The following PELI2 variants were observed in gnomAD, a reference collection of about 807,000 sequenced individuals.
PELI2 encodes the protein pellino E3 ubiquitin protein ligase family member 2.
A neutral mutation model predicts 42.3 loss-of-function variants in PELI2; 23 were observed. The observed-to-expected ratio is 0.54, with a 90% CI of 0.39 to 0.77. PELI2 has a LOEUF of 0.77. PELI2 is among the 30% of genes least tolerant of loss of function. The pLI, the probability that PELI2 is intolerant of heterozygous loss-of-function variation, is 0.00. For synonymous variants in PELI2, 245 were observed against 212.2 expected, an observed-to-expected ratio of 1.15 and a Z score of -1.34; for missense variants, 463 against 553.2, an observed-to-expected ratio of 0.84 and a Z score of 1.64.
rs1890086397 is a variant in PELI2 at position 56,298,636 on chromosome 14, G to GTT, written c.*1471_*1472insTT. The GTT allele has an allele frequency of 2.6e-5, 4 of 152,408 alleles. No individual in the cohort carries two copies. The South Asian group carries it at 8.3e-4, about 32-fold the overall frequency. 9.4% of individuals were successfully genotyped at this position (152,408 alleles called of 1,614,324 possible). ...TATCCATACTTGAATTGGTTTTTTCGTATTTTGCCTACTGGCAAATATTTT... is the reference window on the plus strand; with the variant it reads ...TATCCATACTTGAATTGGTTTTTTCGTTTATTTTGCCTACTGGCAAATATTTT... On this transcript the variant is annotated 3_prime_UTR_variant, in exon 6 of 6. Transcript: ENST00000267460.
chr14:56,228,757 C>T (rs1251882612), intron 2 of PELI2, among the ~76,000 whole-genome samples: 1 of 152,192 alleles, frequency 6.6e-6, no homozygotes, highest in Non-Finnish European at 1.5e-5. Flanking sequence ...GCTTGTTGGA[C>T]AGTGGGTGCA....
chr14:56,158,026 ATTC>A (rs1047320956), intron 1 of PELI2, among the ~76,000 whole-genome samples: 8 of 152,034 alleles, frequency 5.3e-5, no homozygotes, highest in African/African-American at 9.6e-5. Flanking sequence ...AGCCTTTGAG[ATTC>A]TTCTTCTTCT....
rs114208657 is a variant in PELI2 at position 56,199,892 on chromosome 14, A to T, written c.207+21428A>T. ...GGTGGTGCTCAATAAATCTTTGTTG[A>T]CTTGATGTTGATTGAGTGTATCTGG... On this transcript the variant is annotated intron_variant, in intron 2 of 5. Coordinates refer to ENST00000267460, the MANE Select transcript of PELI2 (RefSeq NM_021255.3). Among the ~76,000 whole-genome samples, 564 of 152,272 alleles carry T rather than the reference A, an allele frequency of 3.7e-3. 2 individuals carry two copies. The highest frequency in any genetic ancestry group is 0.013 in the African/African-American group (520 of 41,560).
At position 56,118,617 on chromosome 14, in the gene PELI2, AGGCGGCGGCGTC is replaced by A. The variant is rs3832944; in HGVS notation, c.-25_-14del. 5.1e-3 allele frequency: 6,264 copies of A among 1,233,864 alleles called. 79 individuals carry two copies. Among genetic ancestry groups the A allele is most frequent in the African/African-American group, 0.017 (1,032 of 59,460 alleles). 76.4% of individuals were successfully genotyped at this position (1,233,864 alleles called of 1,614,324 possible). A position where few individuals can be genotyped will look rare whatever the true frequency, so the allele number is the denominator to read the frequency against. The stretch of plus-strand genomic sequence containing the variant: ...GCGGACTCGGCGGGGATCGCGGCGG[AGGCGGCGGCGTC>A]GGCGGCGGCGTCGGCGGCCGAGCGG... On this transcript the variant is annotated 5_prime_UTR_variant, in exon 1 of 6. Transcript: ENST00000267460.
At chr14:56,139,254 T>TG (rs1883810599) in intron 1 of PELI2, among the ~76,000 whole-genome samples, 1 of 151,944 alleles carries the variant, frequency 6.6e-6, no homozygotes, top group Non-Finnish European at 1.5e-5. Context: ...AGGGAGAGGA[T>TG]GGGGGAGGAG....
intron 2 of PELI2, among the ~76,000 whole-genome samples, chr14:56,252,441 T>C (rs1888379546): frequency 6.6e-6 from 1 of 152,222 alleles, no homozygotes; most frequent in Non-Finnish European, 1.5e-5. Flanking sequence ...TAAAGTTATT[T>C]ATATAAAATC....
intron 1 of PELI2, among the ~76,000 whole-genome samples, chr14:56,148,584 G>C (rs149142678): frequency 6.6e-6 from 1 of 152,146 alleles, no homozygotes; most frequent in Non-Finnish European, 1.5e-5. Context: ...TGTCTGCTCC[G>C]AACATATACA....
intron 2 of PELI2, among the ~76,000 whole-genome samples, chr14:56,277,984 G>A (rs1294815113): frequency 1.3e-5 from 2 of 152,174 alleles, no homozygotes; most frequent in South Asian, 2.1e-4. Flanking sequence ...TATTGCACTC[G>A]TTAACTCCTT....
chr14:56,121,775 A>G (rs1209123961), intron 1 of PELI2, among the ~76,000 whole-genome samples: 2 of 152,132 alleles, frequency 1.3e-5, no homozygotes, highest in Non-Finnish European at 2.9e-5. Context: ...ATATGATTGG[A>G]TTAGGTAGGC....
chr14:56,246,950 C>T (rs1001432164), intron 2 of PELI2, among the ~76,000 whole-genome samples: 6 of 152,154 alleles, frequency 3.9e-5, no homozygotes, highest in African/African-American at 1.4e-4. Context: ...CCTTCTCCAC[C>T]CCAGTAACCA....
In PELI2 at chr14:56,262,270, A is replaced by G. The variant is rs143505116; in HGVS notation, c.208-17406A>G. On this transcript the variant is annotated intron_variant, in intron 2 of 5. Coordinates refer to ENST00000267460, the MANE Select transcript of PELI2 (RefSeq NM_021255.3). ...TGCAGTTCCAGGAGTTTTGTTCCAC[A>G]GTAACACCCAAGAAATAAACATTTT... is the stretch of plus-strand genomic sequence containing the variant. 6.8e-3 allele frequency among the ~76,000 whole-genome samples: 1,033 copies of G among 152,328 alleles called. 7 individuals are homozygous for G. The highest frequency in any genetic ancestry group is 0.024 in the African/African-American group (988 of 41,566).
Position 56,296,725 on chromosome 14 carries a change from G to A in PELI2, c.822G>A (p.Arg274=), listed in dbSNP as rs772650081. 2.5e-6 allele frequency: 4 copies of A among 1,614,126 alleles called. No homozygotes were observed. The highest frequency in any genetic ancestry group is 2.5e-6 in the Non-Finnish European group (3 of 1,180,030). ...TPTQKHIEAL[R]QEINAARPQC... is the part of the protein sequence containing the mutation. ...CTCAGAAGCACATAGAAGCCCTCCG[G>A]CAGGAGATTAACGCCGCCCGGCCTC... The change falls in exon 6 of 6, where the codon CGG becomes CGA. Residue 274 remains arginine, a synonymous_variant. Coordinates refer to ENST00000267460, the MANE Select transcript of PELI2 (RefSeq NM_021255.3).
chr14:56,188,396 G>A (rs1427000483), intron 2 of PELI2, among the ~76,000 whole-genome samples: 1 of 131,204 alleles, frequency 7.6e-6, no homozygotes, highest in Non-Finnish European at 1.7e-5. Context: ...TTTTGTTCAG[G>A]TTAGTTCTGG....
chr14:56,225,185 C>T (rs1325707527), intron 2 of PELI2, among the ~76,000 whole-genome samples: 1 of 152,126 alleles, frequency 6.6e-6, no homozygotes, highest in Admixed American at 6.5e-5. Flanking sequence ...CGATGGGGCC[C>T]GTCCAGGAAT....
intron 2 of PELI2, among the ~76,000 whole-genome samples, chr14:56,195,629 G>A (rs138381829): frequency 2.4e-4 from 36 of 152,324 alleles, no homozygotes; most frequent in African/African-American, 8.4e-4. Context: ...TGAAACAGGT[G>A]GGGATACCTT....
chr14:56,216,918 A>T (rs943484067), intron 2 of PELI2, among the ~76,000 whole-genome samples: 3 of 152,242 alleles, frequency 2.0e-5, no homozygotes, highest in Admixed American at 2.0e-4. Flanking sequence ...GCTTACCTAT[A>T]TAATAATTCA....
chr14:56,198,423 G>A (rs1341361427), intron 2 of PELI2, among the ~76,000 whole-genome samples: 2 of 152,202 alleles, frequency 1.3e-5, no homozygotes, highest in African/African-American at 4.8e-5. Flanking sequence ...GTGGCATCAT[G>A]GAGCATGAGA....
chr14:56,135,212 A>G (rs1595544514), intron 1 of PELI2, among the ~76,000 whole-genome samples: 1 of 152,254 alleles, frequency 6.6e-6, no homozygotes, highest in East Asian at 1.9e-4. Context: ...CCGTGAGTAG[A>G]AGGGTGAGGT....
At chr14:56,122,765 A>G (rs1404109668) in intron 1 of PELI2, among the ~76,000 whole-genome samples, 1 of 152,208 alleles carries the variant, frequency 6.6e-6, no homozygotes, top group East Asian at 1.9e-4. Flanking sequence ...TAGCATTTTC[A>G]TTCACTTATG....
Sources: allele counts gnomAD v4.1 joint callset (sites outside exome capture counted in the v4.1 genomes callset), GRCh38; gene constraint gnomAD v4.1.1; transcripts MANE v1.5; gene names NCBI Gene and HGNC (gene_info 2026-07-23, HGNC 2026-07-21).